Variants in MSRA observed in about 807,000 individuals in gnomAD.
The protein encoded by MSRA is methionine sulfoxide reductase A, also known as mitochondrial peptide methionine sulfoxide reductase.
Under a neutral mutation model 31.3 loss-of-function variants are expected in MSRA, and 54 were observed. That is an observed-to-expected ratio of 1.73 (90% CI 1.39 to 2.17). The LOEUF (loss-of-function observed/expected upper bound fraction) is 2.17, where lower values mean the gene tolerates loss of function less well. Among genes scored for constraint, MSRA ranks in the 30% most tolerant of loss-of-function variants. The pLI is 0.00. For synonymous variants in MSRA, 169 were observed against 116.5 expected, an observed-to-expected ratio of 1.45 and a Z score of -2.90; for missense variants, 507 against 300.9, an observed-to-expected ratio of 1.69 and a Z score of -5.07.
chr8:10,185,703 G>T (rs1297764327), intron 1 of MSRA, among the ~76,000 whole-genome samples: 1 of 152,130 alleles, frequency 6.6e-6, no homozygotes, highest in Admixed American at 6.5e-5. Flanking sequence ...CTACTGTGAC[G>T]CTTTTTGTGG....
At chr8:10,214,167 G>A (rs1217218144) in intron 2 of MSRA, among the ~76,000 whole-genome samples, 3 of 152,070 alleles carry the variant, frequency 2.0e-5, no homozygotes, top group Non-Finnish European at 2.9e-5. Flanking sequence ...TTTGTCGCAC[G>A]GCACATCTCT....
chr8:10,327,013 G>T (rs1375569462), intron 5 of MSRA, among the ~76,000 whole-genome samples: 1 of 152,142 alleles, frequency 6.6e-6, no homozygotes, highest in Non-Finnish European at 1.5e-5. Flanking sequence ...CTGGCCATAT[G>T]ACCTGGCTCC....
chr8:10,132,489 G>A (rs1801967711), intron 1 of MSRA, among the ~76,000 whole-genome samples: 1 of 152,078 alleles, frequency 6.6e-6, no homozygotes, highest in African/African-American at 2.4e-5. Flanking sequence ...CTAGAGGCTG[G>A]GGAAGTCCAA....
chr8:10,061,297 C>G (rs773575199), intron 1 of MSRA, among the ~76,000 whole-genome samples: 1 of 152,140 alleles, frequency 6.6e-6, no homozygotes, highest in Non-Finnish European at 1.5e-5. Context: ...CATTAAATGT[C>G]TATTAAAGGC....
chr8:10,353,943 G>T (rs751578961), intron 5 of MSRA: 10 of 196,978 alleles, frequency 5.1e-5, no homozygotes, highest in African/African-American at 9.4e-5. Context: ...AAGGAAAGCA[G>T]TGTTGTCAAG....
intron 2 of MSRA, among the ~76,000 whole-genome samples, chr8:10,210,706 G>A (rs769958709): frequency 6.6e-6 from 1 of 151,434 alleles, no homozygotes; most frequent in Non-Finnish European, 1.5e-5. Flanking sequence ...TTCATATTTT[G>A]TGATAAAATA....
At chr8:10,331,498 A>G (rs560531364) in intron 5 of MSRA, among the ~76,000 whole-genome samples, 12 of 152,318 alleles carry the variant, frequency 7.9e-5, no homozygotes, top group African/African-American at 2.2e-4. Flanking sequence ...TGACTTGCCT[A>G]TGAGGAAACT....
rs966526095 is a variant in MSRA at position 10,174,784 on chromosome 8, G to A, written c.143-33049G>A. Among the ~76,000 whole-genome samples, 21 of 152,272 alleles carry A rather than the reference G, an allele frequency of 1.4e-4. 1 individual carries two copies. The highest frequency in any genetic ancestry group is 4.3e-4 in the African/African-American group (18 of 41,570). ...GACATCCAACTGGAGGAGTCCATGAGCTGACCTCAGAGATGCCCTCCGACG... is the reference window on the plus strand; with the variant it reads ...GACATCCAACTGGAGGAGTCCATGAACTGACCTCAGAGATGCCCTCCGACG... On this transcript the variant is annotated intron_variant, in intron 1 of 5. Coordinates refer to ENST00000317173, the MANE Select transcript of MSRA (RefSeq NM_012331.5).
At chr8:10,234,443 C>G (rs1003419793) in intron 2 of MSRA, among the ~76,000 whole-genome samples, 1 of 151,456 alleles carries the variant, frequency 6.6e-6, no homozygotes, top group East Asian at 1.9e-4. Flanking sequence ...AGGGTAAACA[C>G]TAGAAGAACA....
chr8:10,225,430 G>A (rs1810909316), intron 2 of MSRA, among the ~76,000 whole-genome samples: 1 of 152,150 alleles, frequency 6.6e-6, no homozygotes, highest in Non-Finnish European at 1.5e-5. Flanking sequence ...GGATTACTTG[G>A]GGCCTAGTCT....
intron 1 of MSRA, among the ~76,000 whole-genome samples, chr8:10,072,698 T>G (rs141277729): frequency 9.2e-5 from 14 of 152,386 alleles, no homozygotes; most frequent in Admixed American, 3.3e-4. Flanking sequence ...AATTGATGTC[T>G]TTATTATGCT....
chr8:10,070,181 C>T (rs1797661140), intron 1 of MSRA, among the ~76,000 whole-genome samples: 2 of 152,182 alleles, frequency 1.3e-5, no homozygotes, highest in Non-Finnish European at 2.9e-5. Flanking sequence ...ACCTTTCTAT[C>T]AAGGGAGCAA....
At chr8:10,331,283 A>G (rs1802680908) in intron 5 of MSRA, among the ~76,000 whole-genome samples, 1 of 152,202 alleles carries the variant, frequency 6.6e-6, no homozygotes, top group Non-Finnish European at 1.5e-5. Context: ...GGGGCAGAGC[A>G]CTGGCTTGGA....
intron 3 of MSRA, among the ~76,000 whole-genome samples, chr8:10,275,470 A>G (rs1031294906): frequency 2.0e-5 from 3 of 152,246 alleles, no homozygotes; most frequent in African/African-American, 7.2e-5. Flanking sequence ...GGAGTTGTGA[A>G]ACAGAAATGA....
intron 1 of MSRA, among the ~76,000 whole-genome samples, chr8:10,132,474 C>A (rs982024215): frequency 6.6e-6 from 1 of 152,144 alleles, no homozygotes; most frequent in Non-Finnish European, 1.5e-5. Flanking sequence ...TATTTCCTCA[C>A]AGTTCTAGAG....
intron 3 of MSRA, among the ~76,000 whole-genome samples, chr8:10,246,276 A>G (rs895477488): frequency 1.3e-5 from 2 of 152,340 alleles, no homozygotes; most frequent in South Asian, 4.1e-4. Flanking sequence ...GCTGACCTCT[A>G]TTCTAGGCTA....
At chr8:10,337,121 G>A (rs1264996591) in intron 5 of MSRA, 2 of 152,002 alleles carry the variant, frequency 1.3e-5, no homozygotes, top group African/African-American at 4.8e-5. Flanking sequence ...CCTGAGATAT[G>A]TGTACAGTCA....
At chr8:10,054,714 G>T (rs892174473) in intron 1 of MSRA, 56 bp downstream of exon 1, 65 of 1,409,108 alleles carry the variant, frequency 4.6e-5, no homozygotes, top group Middle Eastern at 3.8e-4. Context: ...GCGCGCCTTT[G>T]CCCGGCGGCA....
chr8:10,353,273 T>C (rs1012116453), intron 5 of MSRA, among the ~76,000 whole-genome samples: 2 of 152,230 alleles, frequency 1.3e-5, no homozygotes, highest in African/African-American at 4.8e-5. Context: ...TCTTGCAGTC[T>C]TGCCAATAAA....
Sources: allele counts gnomAD v4.1 joint callset (sites outside exome capture counted in the v4.1 genomes callset), GRCh38; gene constraint gnomAD v4.1.1; transcripts MANE v1.5; gene names NCBI Gene and HGNC (gene_info 2026-07-23, HGNC 2026-07-21).